Variants in HNRNPA0 observed in about 807,000 individuals in gnomAD.
HNRNPA0 encodes heterogeneous nuclear ribonucleoprotein A0.
For synonymous variants in HNRNPA0, 243 were observed against 195.5 expected (o/e 1.24, Z -2.03); for missense variants, 252 against 433.7 (o/e 0.58, Z 3.72).
Position 137,748,669 on chromosome 5 carries a change from G to A in HNRNPA0, c.*4480C>T, listed in dbSNP as rs996083359. The A allele has an allele frequency of 4.6e-5, 7 of 152,096 alleles. No homozygotes were observed. The highest frequency in any genetic ancestry group is 1.3e-4 in the Admixed American group (2 of 15,276). The allele number at this position is 152,096 out of a possible 1,614,324, so 9.4% of individuals were successfully genotyped here. On this transcript the variant is annotated 3_prime_UTR_variant, in exon 1 of 1. Transcript: ENST00000314940. Reference sequence around the variant, plus strand: ...GGCTCGGGCCAGTTTGTCCAAGGTCGCAGTGCTAGAAAGTGACTGTGTCAG... The same window carrying A: ...GGCTCGGGCCAGTTTGTCCAAGGTCACAGTGCTAGAAAGTGACTGTGTCAG...
In HNRNPA0 at chr5:137,753,109, G is replaced by A. The variant is rs201946968; in HGVS notation, c.*40C>T. 6.4e-6 allele frequency: 10 copies of A among 1,572,130 alleles called. No homozygotes were observed. Among genetic ancestry groups the A allele is most frequent in the East Asian group, 2.2e-5 (1 of 44,562 alleles). On this transcript the variant is annotated 3_prime_UTR_variant, in exon 1 of 1. Coordinates refer to ENST00000314940, the MANE Select transcript of HNRNPA0 (RefSeq NM_006805.4). The surrounding 1 kb of genome is among the most constrained non-coding windows in gnomAD (Gnocchi z 6.1). Reference sequence around the variant, plus strand: ...GACCCCACTTGGGCTGTTGGAAAGAGCTACCCCTATAGCCACTCCCAGGCA... The same window carrying A: ...GACCCCACTTGGGCTGTTGGAAAGAACTACCCCTATAGCCACTCCCAGGCA...
Position 137,754,203 on chromosome 5 carries a change from G to C in HNRNPA0, c.-137C>G. The stretch of plus-strand genomic sequence containing the variant: ...ACCCCCGCCGCTCACCGACGGGGAA[G>C]GGAAAAAGGGAAGGGGAGGGAAGGA... On this transcript the variant is annotated 5_prime_UTR_variant, in exon 1 of 1. Transcript: ENST00000314940. 8.5e-7 allele frequency: 1 copy of C among 1,181,620 alleles called. No homozygotes were observed. The highest frequency in any genetic ancestry group is 1.7e-5 in the South Asian group (1 of 59,988). 73.2% of individuals were successfully genotyped at this position (1,181,620 alleles called of 1,614,324 possible).
In HNRNPA0 at chr5:137,752,965, G is replaced by A. The variant is rs1753531249; in HGVS notation, c.*184C>T. On this transcript the variant is annotated 3_prime_UTR_variant, in exon 1 of 1. Coordinates refer to ENST00000314940, the MANE Select transcript of HNRNPA0 (RefSeq NM_006805.4). ...GGCCGAGTCCATCTTCAGAGGGAGAGACAAGAGAGGTGGCAGGCAAATAGA... is the reference window on the plus strand; with the variant it reads ...GGCCGAGTCCATCTTCAGAGGGAGAAACAAGAGAGGTGGCAGGCAAATAGA... 3.5e-6 allele frequency: 2 copies of A among 575,792 alleles called. No individual in the cohort carries two copies. Among genetic ancestry groups the A allele is most frequent in the East Asian group, 2.8e-5 (1 of 35,426 alleles). The allele number at this position is 575,792 out of a possible 1,614,324, so 35.7% of individuals were successfully genotyped here.
rs1375225897 is a variant in HNRNPA0, at chr5:137,752,437, T to G, written c.*712A>C. ...CATCCACCACTTCAAAAGTTTTGCC[T>G]GTAAGGGATATAATTCAACACGCAA... On this transcript the variant is annotated 3_prime_UTR_variant, in exon 1 of 1. Transcript: ENST00000314940. 1 of 152,168 alleles carries G rather than the reference T, an allele frequency of 6.6e-6. No homozygotes were observed. Among genetic ancestry groups the G allele is most frequent in the Non-Finnish European group, 1.5e-5 (1 of 68,040 alleles). The allele number at this position is 152,168 out of a possible 1,614,324, so 9.4% of individuals were successfully genotyped here. A position where few individuals can be genotyped will look rare whatever the true frequency, so the allele number is the denominator to read the frequency against.
chr5:137,751,834 G>A lies in HNRNPA0; in HGVS notation c.*1315C>T, dbSNP rs1458823438. 1 of 152,654 alleles carries A rather than the reference G, an allele frequency of 6.6e-6. No homozygotes were observed. The highest frequency in any genetic ancestry group is 2.4e-5 in the African/African-American group (1 of 41,450). 9.5% of individuals were successfully genotyped at this position (152,654 alleles called of 1,614,324 possible). A position where few individuals can be genotyped will look rare whatever the true frequency, so the allele number is the denominator to read the frequency against. On this transcript the variant is annotated 3_prime_UTR_variant, in exon 1 of 1. Transcript: ENST00000314940. ...ATAGCAATTTAGGGCTATTGCCCAA[G>A]CTATGCATAGCAGTTTACATTTTCA...
rs954671883 is a variant in HNRNPA0, at chr5:137,748,681, A to G, written c.*4468T>C. 2.0e-5 allele frequency: 3 copies of G among 152,174 alleles called. No homozygotes were observed. Among genetic ancestry groups the G allele is most frequent in the Admixed American group, 6.5e-5 (1 of 15,286 alleles). The allele number at this position is 152,174 out of a possible 1,614,324, so 9.4% of individuals were successfully genotyped here. ...TTTGTCCAAGGTCGCAGTGCTAGAAAGTGACTGTGTCAGGAACAGAATTTG... is the reference window on the plus strand; with the variant it reads ...TTTGTCCAAGGTCGCAGTGCTAGAAGGTGACTGTGTCAGGAACAGAATTTG... On this transcript the variant is annotated 3_prime_UTR_variant, in exon 1 of 1. Transcript: ENST00000314940.
rs373962496 is a variant in HNRNPA0, at chr5:137,754,226, G to A, written c.-160C>T. 1.5e-5 allele frequency: 15 copies of A among 988,354 alleles called. No homozygotes were observed. The East Asian group carries it at 2.4e-4, about 16-fold the overall frequency. The allele number at this position is 988,354 out of a possible 1,614,324, so 61.2% of individuals were successfully genotyped here. On this transcript the variant is annotated 5_prime_UTR_variant, in exon 1 of 1. Transcript: ENST00000314940. ...AAGGGAAAAAGGGAAGGGGAGGGAA[G>A]GAAGGAAGAGAGGAAGGGGGAGGGA... is the stretch of plus-strand genomic sequence containing the variant.
In HNRNPA0 at chr5:137,754,060, T is replaced by G; in HGVS notation, c.7A>C (p.Asn3His). 1 of 1,608,758 alleles carries G rather than the reference T, an allele frequency of 6.2e-7. No individual in the cohort carries two copies. Among genetic ancestry groups the G allele is most frequent in the Non-Finnish European group, 8.5e-7 (1 of 1,176,686 alleles). The change falls in exon 1 of 1, where the codon AAT (asparagine) becomes CAT (histidine). Residue 3 changes from asparagine (N) to histidine (H), a missense_variant. Asn to His is a moderately conservative substitution (Grantham distance 68, BLOSUM62 1). Coordinates refer to ENST00000314940, the MANE Select transcript of HNRNPA0 (RefSeq NM_006805.4). The stretch of plus-strand genomic sequence containing the variant: ...ATGAACAGCTTACACAACTGAGAAT[T>G]CTCCATCTCCAAGGCCCGGGCCTTG... ME[N>H]SQLCKLFIGG... is the part of the protein sequence containing the mutation.
At position 137,753,719 on chromosome 5, in the gene HNRNPA0, C is replaced by A; in HGVS notation, c.348G>T (p.Glu116Asp). Residue 116 changes from glutamate to aspartate, a missense_variant, in exon 1 of 1, where the codon GAG becomes GAT. Transcript: ENST00000314940. This position sits in a 1 kb window ranked among gnomAD's most constrained non-coding sequence, Gnocchi z 6.1. ...CCACGGTGCCAAACTGCGAGAAGTG[C>A]TCGATCAGGTCGCCCTCAGCCACGT... ...KGDVAEGDLIEHFSQFGTVEK... is the reference protein window; with the variant it reads ...KGDVAEGDLIDHFSQFGTVEK... The A allele has an allele frequency of 6.2e-7, 1 of 1,613,466 alleles. No homozygotes were observed.
In HNRNPA0 at chr5:137,753,118, A is replaced by G. The variant is rs757503709; in HGVS notation, c.*31T>C. 3 of 1,592,650 alleles carry G rather than the reference A, an allele frequency of 1.9e-6. No homozygotes were observed. Among genetic ancestry groups the G allele is most frequent in the African/African-American group, 2.7e-5 (2 of 74,574 alleles). On this transcript the variant is annotated 3_prime_UTR_variant, in exon 1 of 1. Coordinates refer to ENST00000314940, the MANE Select transcript of HNRNPA0 (RefSeq NM_006805.4). This position sits in a 1 kb window ranked among gnomAD's most constrained non-coding sequence, Gnocchi z 6.1. Reference sequence around the variant, plus strand: ...TGGGCTGTTGGAAAGAGCTACCCCTATAGCCACTCCCAGGCATTTTAAATT... The same window carrying G: ...TGGGCTGTTGGAAAGAGCTACCCCTGTAGCCACTCCCAGGCATTTTAAATT...
chr5:137,745,655 G>T lies in HNRNPA0; in HGVS notation c.*7494C>A, dbSNP rs946334485. 1.3e-5 allele frequency: 2 copies of T among 152,022 alleles called. No individual in the cohort carries two copies. Among genetic ancestry groups the T allele is most frequent in the Non-Finnish European group, 2.9e-5 (2 of 68,026 alleles). 9.4% of individuals were successfully genotyped at this position (152,022 alleles called of 1,614,324 possible). On this transcript the variant is annotated 3_prime_UTR_variant, in exon 1 of 1. Transcript: ENST00000314940. ...ACAAAACTCAGCACTGCTAAGTATC[G>T]TACTCATGGCTAAAGTTTATTACAG...
In HNRNPA0 at chr5:137,753,520, C is replaced by G. The variant is rs1223294496; in HGVS notation, c.547G>C (p.Gly183Arg). ...AVPKEDIYSGGGGGGSRSSRG... is the reference protein window; with the variant it reads ...AVPKEDIYSGRGGGGSRSSRG... ...GAGGATCGGGAGCCGCCTCCACCCCCACCGGAGTAGATATCCTCCTTGGGG... is the reference window on the plus strand; with the variant it reads ...GAGGATCGGGAGCCGCCTCCACCCCGACCGGAGTAGATATCCTCCTTGGGG... Residue 183 changes from glycine to arginine, a missense_variant, in exon 1 of 1, where the codon GGG becomes CGG. By Grantham distance (125) the Gly-to-Arg change is moderately radical. Coordinates refer to ENST00000314940, the MANE Select transcript of HNRNPA0 (RefSeq NM_006805.4). This position sits in a 1 kb window ranked among gnomAD's most constrained non-coding sequence, Gnocchi z 6.1. 2 of 1,608,188 alleles carry G rather than the reference C, an allele frequency of 1.2e-6. No homozygotes were observed. The highest frequency in any genetic ancestry group is 1.7e-6 in the Non-Finnish European group (2 of 1,177,110).
rs1019182099 is a variant in HNRNPA0, at chr5:137,751,188, T to C, written c.*1961A>G. 1 of 151,980 alleles carries C rather than the reference T, an allele frequency of 6.6e-6. No individual in the cohort carries two copies. The highest frequency in any genetic ancestry group is 2.4e-5 in the African/African-American group (1 of 41,368). 9.4% of individuals were successfully genotyped at this position (151,980 alleles called of 1,614,324 possible). A position where few individuals can be genotyped will look rare whatever the true frequency, so the allele number is the denominator to read the frequency against. ...GTAAAAACATCCACCCCGTTTGTCATAGAGGATATAACACTATTTGTACCA... is the reference window on the plus strand; with the variant it reads ...GTAAAAACATCCACCCCGTTTGTCACAGAGGATATAACACTATTTGTACCA... On this transcript the variant is annotated 3_prime_UTR_variant, in exon 1 of 1. Coordinates refer to ENST00000314940, the MANE Select transcript of HNRNPA0 (RefSeq NM_006805.4).
Position 137,749,252 on chromosome 5 carries a change from G to A in HNRNPA0, c.*3897C>T, listed in dbSNP as rs775667410. ...CATACAAAGTGGTAAAAGAATTAAA[G>A]AGACAAAGAAAGCCTGCCTGAATAG... On this transcript the variant is annotated 3_prime_UTR_variant, in exon 1 of 1. Transcript: ENST00000314940. 6.6e-6 allele frequency: 1 copy of A among 152,148 alleles called. No individual in the cohort carries two copies. Among genetic ancestry groups the A allele is most frequent in the Non-Finnish European group, 1.5e-5 (1 of 68,000 alleles). 9.4% of individuals were successfully genotyped at this position (152,148 alleles called of 1,614,324 possible).
At position 137,746,579 on chromosome 5, in the gene HNRNPA0, A is replaced by T. The variant is rs1008242268; in HGVS notation, c.*6570T>A. On this transcript the variant is annotated 3_prime_UTR_variant, in exon 1 of 1. Coordinates refer to ENST00000314940, the MANE Select transcript of HNRNPA0 (RefSeq NM_006805.4). Reference sequence around the variant, plus strand: ...ACATTTCCTTCAAGTCTTTGCTCAAATGTCACTTTCTGAGAGACCTACCCA... The same window carrying T: ...ACATTTCCTTCAAGTCTTTGCTCAATTGTCACTTTCTGAGAGACCTACCCA... 2 of 152,174 alleles carry T rather than the reference A, an allele frequency of 1.3e-5. No individual in the cohort carries two copies. Among genetic ancestry groups the T allele is most frequent in the South Asian group, 4.1e-4 (2 of 4,828 alleles). 9.4% of individuals were successfully genotyped at this position (152,174 alleles called of 1,614,324 possible). A position where few individuals can be genotyped will look rare whatever the true frequency, so the allele number is the denominator to read the frequency against.
rs1376381255 is a variant in HNRNPA0, at chr5:137,754,000, G to A, written c.67C>T (p.Leu23=). 9.3e-6 allele frequency: 15 copies of A among 1,613,822 alleles called. No homozygotes were observed. Among genetic ancestry groups the A allele is most frequent in the African/African-American group, 1.3e-5 (1 of 74,932 alleles). ...GLNVQTSESG[L]RGHFEAFGTL... ...CCAAAGGCCTCAAAGTGGCCGCGCA[G>A]GCCCGACTCACTCGTCTGCACATTG... The change falls in exon 1 of 1, where the codon CTG becomes TTG. Residue 23 remains leucine (L), a synonymous_variant. Coordinates refer to ENST00000314940, the MANE Select transcript of HNRNPA0 (RefSeq NM_006805.4). This position sits in a 1 kb window ranked among gnomAD's most constrained non-coding sequence, Gnocchi z 6.1.
chr5:137,749,395 T>C lies in HNRNPA0; in HGVS notation c.*3754A>G, dbSNP rs899173478. ...AAAAAAATAGGTGGAAAATAGAGAA[T>C]TGCCCTTCTAGTCTTCCTACTTTGG... On this transcript the variant is annotated 3_prime_UTR_variant, in exon 1 of 1. Transcript: ENST00000314940. 2.6e-5 allele frequency: 4 copies of C among 152,316 alleles called. No homozygotes were observed. The highest frequency in any genetic ancestry group is 3.9e-4 in the East Asian group (2 of 5,190). 9.4% of individuals were successfully genotyped at this position (152,316 alleles called of 1,614,324 possible). A position where few individuals can be genotyped will look rare whatever the true frequency, so the allele number is the denominator to read the frequency against.
At position 137,747,504 on chromosome 5, in the gene HNRNPA0, ATT is replaced by A. The variant is rs1753427839; in HGVS notation, c.*5643_*5644del. On this transcript the variant is annotated 3_prime_UTR_variant, in exon 1 of 1. Transcript: ENST00000314940. ...GGCATCACCATCCTCTCACACAGTA[ATT>A]TTGATTAATCTACTCTCTCTTCCTC... 6.6e-6 allele frequency: 1 copy of A among 152,178 alleles called. No homozygotes were observed. Among genetic ancestry groups the A allele is most frequent in the African/African-American group, 2.4e-5 (1 of 41,440 alleles). 9.4% of individuals were successfully genotyped at this position (152,178 alleles called of 1,614,324 possible). A position where few individuals can be genotyped will look rare whatever the true frequency, so the allele number is the denominator to read the frequency against.
rs888430284 is a variant in HNRNPA0, at chr5:137,752,756, A to G, written c.*393T>C. 3 of 179,306 alleles carry G rather than the reference A, an allele frequency of 1.7e-5. No individual in the cohort carries two copies. Among genetic ancestry groups the G allele is most frequent in the Non-Finnish European group, 3.5e-5 (3 of 86,226 alleles). The allele number at this position is 179,306 out of a possible 1,614,324, so 11.1% of individuals were successfully genotyped here. A position where few individuals can be genotyped will look rare whatever the true frequency, so the allele number is the denominator to read the frequency against. ...GGTTATCAAGTCCTTACAACAAAGT[A>G]AACTACCCCCCACCCCAACCCCCAC... On this transcript the variant is annotated 3_prime_UTR_variant, in exon 1 of 1. Coordinates refer to ENST00000314940, the MANE Select transcript of HNRNPA0 (RefSeq NM_006805.4).
Sources: allele counts gnomAD v4.1 joint callset, GRCh38; gene constraint gnomAD v4.1.1; non-coding constraint Gnocchi (gnomAD v3.1); transcripts MANE v1.5; gene names NCBI Gene and HGNC (gene_info 2026-07-23, HGNC 2026-07-21).